C10orf143: variants seen among roughly 807,000 people sequenced by gnomAD.
C10orf143 encodes uncharacterized protein C10orf143.
At chr10:130,040,817 T>C (rs1860598150) in intron 3 of C10orf143, among the ~76,000 whole-genome samples, 1 of 150,004 alleles carries the variant, frequency 6.7e-6, no homozygotes, top group Non-Finnish European at 1.5e-5. Context: ...AGTGAAACTC[T>C]GTCTCAAAAA....
At chr10:130,071,268 A>C (rs905734898) in intron 3 of C10orf143, among the ~76,000 whole-genome samples, 10 of 152,176 alleles carry the variant, frequency 6.6e-5, no homozygotes, top group Non-Finnish European at 1.5e-5. Context: ...AGAAATGCCC[A>C]CCATAAGCTT....
chr10:130,072,009 C>T (rs969008971), intron 3 of C10orf143, among the ~76,000 whole-genome samples: 1 of 152,156 alleles, frequency 6.6e-6, no homozygotes, highest in African/African-American at 2.4e-5. Flanking sequence ...CACCTCCCAC[C>T]TCCTAGAATT....
At chr10:130,061,588 A>T (rs952457864), downstream of C10orf143, among the ~76,000 whole-genome samples, 1 of 152,164 alleles carries the variant, frequency 6.6e-6, no homozygotes, top group African/African-American at 2.4e-5. Context: ...ACAAATTGAA[A>T]ATTTATCTAA....
At chr10:130,052,105 G>A (rs1209262805) in intron 3 of C10orf143, among the ~76,000 whole-genome samples, 3 of 95,722 alleles carry the variant, frequency 3.1e-5, no homozygotes, top group Admixed American at 1.2e-4. Context: ...TCCCTCTCTC[G>A]CCCCCACCTA....
At chr10:130,075,580 G>T (rs1861102079) in intron 3 of C10orf143, among the ~76,000 whole-genome samples, 1 of 152,224 alleles carries the variant, frequency 6.6e-6, no homozygotes, top group South Asian at 2.1e-4. Flanking sequence ...AATGATGGAA[G>T]AGATGAGAAG....
intron 3 of C10orf143, among the ~76,000 whole-genome samples, chr10:130,075,987 G>GTTTTTTTT: frequency 7.5e-6 from 1 of 133,186 alleles, no homozygotes; most frequent in Non-Finnish European, 1.6e-5. Context: ...TTGTTTGTTT[G>GTTTTTTTT]TTTGTTTTTT....
At chr10:130,037,827 T>C (rs1353998945) in intron 3 of C10orf143, among the ~76,000 whole-genome samples, 1 of 152,194 alleles carries the variant, frequency 6.6e-6, no homozygotes, top group Non-Finnish European at 1.5e-5. Context: ...GATCTTCAAA[T>C]ATGAGGGGAA....
intron 3 of C10orf143, among the ~76,000 whole-genome samples, chr10:130,069,794 T>C (rs1351502548): frequency 6.6e-6 from 1 of 152,168 alleles, no homozygotes; most frequent in East Asian, 1.9e-4. Flanking sequence ...TCTATGTAGA[T>C]AATTATACCA....
At chr10:130,104,174 A>T (rs1861603064) in intron 1 of C10orf143, 2 of 152,192 alleles carry the variant, frequency 1.3e-5, no homozygotes, top group Non-Finnish European at 2.9e-5. Context: ...TCGTTTCTTC[A>T]TCTCATCTCC....
chr10:130,039,121 C>T (rs1388155796), intron 3 of C10orf143, among the ~76,000 whole-genome samples: 1 of 151,590 alleles, frequency 6.6e-6, no homozygotes, highest in Non-Finnish European at 1.5e-5. Flanking sequence ...TGCTCTGTCA[C>T]CCCAGCAGCT....
At chr10:130,092,112 G>A (rs894160230) in intron 1 of C10orf143, among the ~76,000 whole-genome samples, 5 of 152,128 alleles carry the variant, frequency 3.3e-5, no homozygotes, top group Admixed American at 2.0e-4. Context: ...ATACATAATC[G>A]TCAGATTCAC....
chr10:130,090,404 G>A (rs1861361729), intron 1 of C10orf143, among the ~76,000 whole-genome samples: 1 of 152,120 alleles, frequency 6.6e-6, no homozygotes, highest in Non-Finnish European at 1.5e-5. Flanking sequence ...TTTTCCCATG[G>A]TCTTCGCAAC....
chr10:130,071,928 T>C (rs988730438), intron 3 of C10orf143, among the ~76,000 whole-genome samples: 2 of 152,184 alleles, frequency 1.3e-5, no homozygotes. Context: ...CTGGCCGTCA[T>C]ATTCTATATT....
chr10:130,071,697 G>A (rs767989901), intron 3 of C10orf143, among the ~76,000 whole-genome samples: 9 of 152,064 alleles, frequency 5.9e-5, no homozygotes, highest in South Asian at 2.1e-4. Flanking sequence ...GCACAATCTC[G>A]GCTCACCGCA....
chr10:130,086,287 T>C (rs1350489266), intron 1 of C10orf143, among the ~76,000 whole-genome samples: 1 of 152,192 alleles, frequency 6.6e-6, no homozygotes, highest in Admixed American at 6.5e-5. Flanking sequence ...TTCCTGGGGC[T>C]TATTAAGTCG....
chr10:130,075,091 A>C (rs1027757442), intron 3 of C10orf143, among the ~76,000 whole-genome samples: 1 of 150,650 alleles, frequency 6.6e-6, no homozygotes, highest in Non-Finnish European at 1.5e-5. Flanking sequence ...CCCTCAATGA[A>C]AAAAAAAAGA....
chr10:130,101,878 A>AAAAC (rs1861562241), intron 1 of C10orf143, among the ~76,000 whole-genome samples: 2 of 148,490 alleles, frequency 1.3e-5, no homozygotes, highest in Non-Finnish European at 3.0e-5. Flanking sequence ...AAAAAAAAAA[A>AAAAC]AAAAAAACTT....
At chr10:130,039,513 T>A (rs1003189896) in intron 3 of C10orf143, among the ~76,000 whole-genome samples, 17 of 152,250 alleles carry the variant, frequency 1.1e-4, no homozygotes, top group African/African-American at 3.8e-4. Context: ...CAGCCCTCGA[T>A]GAGGTGGATG....
At chr10:130,041,509 G>A (rs1860606617) in intron 3 of C10orf143, among the ~76,000 whole-genome samples, 1 of 152,194 alleles carries the variant, frequency 6.6e-6, no homozygotes, top group African/African-American at 2.4e-5. Flanking sequence ...TCACCAGCAC[G>A]ATTATGATTT....
Sources: allele counts gnomAD v4.1 joint callset (sites outside exome capture counted in the v4.1 genomes callset), GRCh38; gene constraint gnomAD v4.1.1; transcripts MANE v1.5; gene names NCBI Gene and HGNC (gene_info 2026-07-23, HGNC 2026-07-21).